DPP10: variants seen among roughly 807,000 people sequenced by gnomAD.
The protein encoded by DPP10 is inactive dipeptidyl peptidase 10.
DPP10 carries 33 observed loss-of-function variants against 120.9 expected under a neutral mutation model. That is an observed-to-expected ratio of 0.27 (90% CI 0.21 to 0.37). The LOEUF is 0.37. DPP10 is among the 10% of genes least tolerant of loss of function. DPP10 has a pLI of 1.00. For missense variants in DPP10, 816 were observed against 942.8 expected (o/e 0.87, Z 1.76); for synonymous variants, 337 against 326.1 (o/e 1.03, Z -0.36).
chr2:114,533,219 A>G (rs1041795589), intron 1 of DPP10, among the ~76,000 whole-genome samples: 2 of 152,258 alleles, frequency 1.3e-5, no homozygotes, highest in South Asian at 2.1e-4. Flanking sequence ...TTGCCCTTGA[A>G]TGGGGGGAAC....
chr2:114,584,512 A>G (rs1033731434), intron 1 of DPP10, among the ~76,000 whole-genome samples: 3 of 150,416 alleles, frequency 2.0e-5, no homozygotes, highest in African/African-American at 7.3e-5. Flanking sequence ...GTCATTTAGC[A>G]TTAGGTATAT....
At chr2:115,526,852 T>C (rs2078163086) in intron 5 of DPP10, among the ~76,000 whole-genome samples, 1 of 152,162 alleles carries the variant, frequency 6.6e-6, no homozygotes, top group South Asian at 2.1e-4. Flanking sequence ...TTTAAGGTTA[T>C]ATTTTTTGAC....
intron 7 of DPP10, 21 bp from the exon 8 acceptor site, chr2:115,727,795 G>T (rs748080891): frequency 6.4e-6 from 10 of 1,566,668 alleles, no homozygotes; most frequent in Non-Finnish European, 8.6e-6. Context: ...TTTTTTGTTT[G>T]TTTCACATTT....
At chr2:114,489,553 C>A (rs1681804575) in intron 1 of DPP10, among the ~76,000 whole-genome samples, 1 of 152,186 alleles carries the variant, frequency 6.6e-6, no homozygotes, top group Non-Finnish European at 1.5e-5. Flanking sequence ...GCAGATAACC[C>A]CTATTCATGA....
At chr2:115,150,035 G>T (rs181163510) in intron 1 of DPP10, among the ~76,000 whole-genome samples, 116 of 152,300 alleles carry the variant, frequency 7.6e-4, no homozygotes, top group African/African-American at 2.3e-3. Context: ...ATAACCCTTT[G>T]ACTGTGATGT....
At chr2:115,271,714 A>G (rs2059708443) in intron 1 of DPP10, among the ~76,000 whole-genome samples, 1 of 152,238 alleles carries the variant, frequency 6.6e-6, no homozygotes, top group Non-Finnish European at 1.5e-5. Context: ...ACTTTTAAGT[A>G]AGAAAATATG....
At chr2:115,692,609 CT>C (rs1377306854) in intron 7 of DPP10, among the ~76,000 whole-genome samples, 1 of 151,918 alleles carries the variant, frequency 6.6e-6, no homozygotes, top group Admixed American at 6.6e-5. Flanking sequence ...TTAACTAGTT[CT>C]TTTAACGTAG....
intron 1 of DPP10, among the ~76,000 whole-genome samples, chr2:115,093,131 A>G (rs1431004706): frequency 6.6e-6 from 1 of 152,168 alleles, no homozygotes; most frequent in Non-Finnish European, 1.5e-5. Flanking sequence ...AAATAAGCAA[A>G]GATCCCTCAC....
chr2:115,793,801 GA>G (rs1684248011), intron 19 of DPP10, among the ~76,000 whole-genome samples: 1 of 151,908 alleles, frequency 6.6e-6, no homozygotes, highest in Non-Finnish European at 1.5e-5. Flanking sequence ...TTGGGTTTTA[GA>G]GGGAAATTAT....
chr2:115,238,220 T>G (rs550608669), intron 1 of DPP10, among the ~76,000 whole-genome samples: 4 of 152,074 alleles, frequency 2.6e-5, no homozygotes, highest in Non-Finnish European at 5.9e-5. Context: ...ACCTTAAGAG[T>G]TAGGCTGACT....
chr2:115,520,585 C>T (rs1431473949), intron 4 of DPP10, among the ~76,000 whole-genome samples: 1 of 151,920 alleles, frequency 6.6e-6, no homozygotes, highest in Non-Finnish European at 1.5e-5. Flanking sequence ...AGGTCTAGAA[C>T]AATACACATC....
intron 1 of DPP10, among the ~76,000 whole-genome samples, chr2:114,583,953 C>G (rs565610983): frequency 2.6e-5 from 4 of 152,112 alleles, no homozygotes; most frequent in Admixed American, 2.0e-4. Flanking sequence ...ATTTTTGAAG[C>G]AAAAGTCCTT....
chr2:114,902,844 G>A (rs1024547155), intron 1 of DPP10, among the ~76,000 whole-genome samples: 4 of 152,052 alleles, frequency 2.6e-5, no homozygotes, highest in African/African-American at 9.7e-5. Flanking sequence ...TTCACTCTTG[G>A]TGGTTGTACA....
In DPP10 at chr2:115,368,425, G is replaced by A. The variant is rs188304330; in HGVS notation, c.271+24513G>A. On this transcript the variant is annotated intron_variant, in intron 3 of 25. Coordinates refer to ENST00000410059, the MANE Select transcript of DPP10 (RefSeq NM_020868.6). ...CTAGTAATATGCAAACTTTACAAAT[G>A]TAAGATTCAGTATTATTTTACTTTC... Among the ~76,000 whole-genome samples the A allele has an allele frequency of 1.2e-3, 186 of 152,166 alleles. 2 individuals carry two copies. Among genetic ancestry groups the A allele is most frequent in the African/African-American group, 4.4e-3 (181 of 41,544 alleles).
chr2:114,542,044 C>G (rs1402848239), intron 1 of DPP10, among the ~76,000 whole-genome samples: 1 of 94,226 alleles, frequency 1.1e-5, no homozygotes, highest in Admixed American at 1.2e-4. Flanking sequence ...TTCTTTCTTT[C>G]TTTCCTTTTT....
chr2:115,759,049 T>C (rs1299214532), intron 11 of DPP10, among the ~76,000 whole-genome samples: 1 of 151,980 alleles, frequency 6.6e-6, no homozygotes, highest in Non-Finnish European at 1.5e-5. Context: ...AAACAATAAA[T>C]TGGACATCAA....
intron 1 of DPP10, among the ~76,000 whole-genome samples, chr2:114,998,815 C>A (rs1276316784): frequency 6.6e-6 from 1 of 152,134 alleles, no homozygotes; most frequent in Non-Finnish European, 1.5e-5. Flanking sequence ...GTTAGCGCTG[C>A]CCCTGTATCT....
intron 1 of DPP10, among the ~76,000 whole-genome samples, chr2:115,286,528 T>TATATATATTAC (rs2060403867): frequency 1.0e-5 from 1 of 100,072 alleles, no homozygotes; most frequent in African/African-American, 3.5e-5. Flanking sequence ...ATATATATAA[T>TATATATATTAC]ATATATATAT....
chr2:115,703,873 G>A (rs1422297911), intron 7 of DPP10, among the ~76,000 whole-genome samples: 1 of 151,874 alleles, frequency 6.6e-6, no homozygotes, highest in Non-Finnish European at 1.5e-5. Context: ...GTTCCCACCT[G>A]TTCTTTCCTA....
Sources: allele counts gnomAD v4.1 joint callset (sites outside exome capture counted in the v4.1 genomes callset), GRCh38; gene constraint gnomAD v4.1.1; transcripts MANE v1.5; gene names NCBI Gene and HGNC (gene_info 2026-07-23, HGNC 2026-07-21).